GABPB2: variants seen among roughly 807,000 people sequenced by gnomAD.
The protein encoded by GABPB2 is GA-binding protein subunit beta-2.
In GABPB2, 23 loss-of-function variants were observed where a neutral mutation model predicts 39.1. That is an observed-to-expected ratio of 0.59 (90% CI 0.42 to 0.83). The LOEUF (loss-of-function observed/expected upper bound fraction) is 0.83, where lower values mean the gene tolerates loss of function less well. GABPB2 is among the 40% of genes least tolerant of loss of function. GABPB2 has a pLI of 0.00. For synonymous variants in GABPB2, 184 were observed against 199.3 expected, an observed-to-expected ratio of 0.92 and a Z score of 0.65; for missense variants, 467 against 541.1, an observed-to-expected ratio of 0.86 and a Z score of 1.36.
At chr1:151,101,155 A>G (rs1195322198) in intron 5 of GABPB2, among the ~76,000 whole-genome samples, 1 of 151,914 alleles carries the variant, frequency 6.6e-6, no homozygotes, top group African/African-American at 2.4e-5. Context: ...TGGGAGGCTG[A>G]GGTGGGAGAA....
At chr1:151,096,944 C>T (rs996781345) in intron 4 of GABPB2, among the ~76,000 whole-genome samples, 5 of 152,112 alleles carry the variant, frequency 3.3e-5, no homozygotes, top group African/African-American at 1.2e-4. Context: ...CGGAGTCTCA[C>T]TCTGTCGCCC....
At chr1:151,088,375 A>T in intron 2 of GABPB2, 78 bp downstream of exon 2, 2 of 1,354,300 alleles carry the variant, frequency 1.5e-6, no homozygotes, top group South Asian at 2.5e-5. Flanking sequence ...CTAACAGACT[A>T]TTGGTTTTTC....
chr1:151,074,453 G>A (rs1031460194), intron 1 of GABPB2, among the ~76,000 whole-genome samples: 90 of 150,348 alleles, frequency 6.0e-4, no homozygotes, highest in African/African-American at 1.9e-3. Flanking sequence ...TGGGACTGCA[G>A]GCCCCCGCCA....
intron 1 of GABPB2, among the ~76,000 whole-genome samples, chr1:151,078,288 GAGTA>G (rs946320536): frequency 8.0e-5 from 11 of 137,338 alleles, no homozygotes; most frequent in East Asian, 2.2e-4. Context: ...AAAAAAAAAA[GAGTA>G]AGAATAAAAA....
At chr1:151,082,392 C>CTTTT (rs35044606) in intron 1 of GABPB2, among the ~76,000 whole-genome samples, 3 of 48,002 alleles carry the variant, frequency 6.2e-5, no homozygotes, top group African/African-American at 8.5e-5. Context: ...GTGGTAATTT[C>CTTTT]TTTTTTTTTT....
At chr1:151,079,315 C>T (rs145571711) in intron 1 of GABPB2, among the ~76,000 whole-genome samples, 1,650 of 148,230 alleles carry the variant, frequency 0.011, 43 homozygotes, top group African/African-American at 0.039. Context: ...CTGAGGCTGG[C>T]GGGTTACTTG....
rs1041994370 is a variant in GABPB2, at chr1:151,123,330, C to G, written c.*5074C>G. 4 of 152,192 alleles carry G rather than the reference C, an allele frequency of 2.6e-5. No individual in the cohort carries two copies. Among genetic ancestry groups the G allele is most frequent in the Non-Finnish European group, 5.9e-5 (4 of 68,078 alleles). 9.4% of individuals were successfully genotyped at this position (152,192 alleles called of 1,614,324 possible). A position where few individuals can be genotyped will look rare whatever the true frequency, so the allele number is the denominator to read the frequency against. On this transcript the variant is annotated 3_prime_UTR_variant, in exon 9 of 9. Coordinates refer to ENST00000368918, the MANE Select transcript of GABPB2 (RefSeq NM_144618.3). The stretch of plus-strand genomic sequence containing the variant: ...ATTAGTTGGGCATGATGGCATACGC[C>G]TGTAGTCCCAGCTACTCTGGAGGCT...
At chr1:151,085,086 G>A (rs924377063) in intron 1 of GABPB2, among the ~76,000 whole-genome samples, 3 of 150,688 alleles carry the variant, frequency 2.0e-5, no homozygotes, top group African/African-American at 7.3e-5. Context: ...GACAGAGCAA[G>A]AACCCGTCTC....
At chr1:151,090,935 T>C (rs1678630222) in intron 3 of GABPB2, among the ~76,000 whole-genome samples, 1 of 147,946 alleles carries the variant, frequency 6.8e-6, no homozygotes, top group Admixed American at 6.8e-5. Context: ...GAGGCGGAGG[T>C]TGTGGTGAGG....
At chr1:151,089,829 G>A (rs1341366652) in intron 2 of GABPB2, among the ~76,000 whole-genome samples, 2 of 151,660 alleles carry the variant, frequency 1.3e-5, no homozygotes, top group Non-Finnish European at 2.9e-5. Context: ...TAGACGTTGC[G>A]TAAAGTCACG....
rs587649025 is a variant in GABPB2, at chr1:151,080,364, A to G, written c.1-7826A>G. Among the ~76,000 whole-genome samples, 4 of 150,276 alleles carry G rather than the reference A, an allele frequency of 2.7e-5. No homozygotes were observed. The East Asian group carries it at 7.9e-4, about 30-fold the overall frequency. On this transcript the variant is annotated intron_variant, in intron 1 of 8. Transcript: ENST00000368918. ...CTGTCTCTACTAAAAATACAATATT[A>G]GCTGGGCATGGTGGCACATGCCTGT... is the stretch of plus-strand genomic sequence containing the variant.
At chr1:151,094,600 C>T (rs1177723335) in intron 4 of GABPB2, among the ~76,000 whole-genome samples, 6 of 149,490 alleles carry the variant, frequency 4.0e-5, no homozygotes, top group South Asian at 2.1e-4. Flanking sequence ...CCGCCTGCCT[C>T]GGCCTCCCAA....
chr1:151,101,182 G>A (rs1268129909), intron 5 of GABPB2, among the ~76,000 whole-genome samples: 1 of 152,138 alleles, frequency 6.6e-6, no homozygotes, highest in Admixed American at 6.6e-5. Context: ...GGGCCTGGGA[G>A]GCAGAGGCTG....
intron 7 of GABPB2, among the ~76,000 whole-genome samples, chr1:151,116,426 A>C (rs115585251): frequency 2.3e-4 from 33 of 146,092 alleles, no homozygotes; most frequent in African/African-American, 7.7e-4. Context: ...AACAACTTTT[A>C]GCCATTCTGA....
At chr1:151,098,082 C>A in intron 5 of GABPB2, 80 bp downstream of exon 5, 2 of 1,193,120 alleles carry the variant, frequency 1.7e-6, no homozygotes, top group South Asian at 1.3e-5. Context: ...TGAATGGATA[C>A]CCTTTCTAAT....
At chr1:151,090,091 C>T (rs180958975) in intron 2 of GABPB2, among the ~76,000 whole-genome samples, 11 of 152,192 alleles carry the variant, frequency 7.2e-5, no homozygotes, top group African/African-American at 2.4e-4. Flanking sequence ...AGGTGCCCAC[C>T]ACCACGCCTG....
chr1:151,088,456 T>C (rs1319497438), intron 2 of GABPB2, 159 bp downstream of exon 2: 6 of 1,378,504 alleles, frequency 4.4e-6, no homozygotes, highest in African/African-American at 2.9e-5. Flanking sequence ...TATGTGGTTT[T>C]CTTTTTCTTT....
chr1:151,086,782 T>A (rs180671997), intron 1 of GABPB2, among the ~76,000 whole-genome samples: 24 of 152,084 alleles, frequency 1.6e-4, no homozygotes, highest in Admixed American at 7.9e-4. Flanking sequence ...TTCCTCCCAC[T>A]TTAGCCTCCT....
At chr1:151,082,798 A>C (rs1349315219) in intron 1 of GABPB2, among the ~76,000 whole-genome samples, 2 of 152,052 alleles carry the variant, frequency 1.3e-5, no homozygotes, top group South Asian at 4.1e-4. Flanking sequence ...CAATATAACA[A>C]AACTGCACCT....
Sources: gnomAD v4.1 joint callset for allele counts (sites outside exome capture counted in the v4.1 genomes callset) on GRCh38, gnomAD v4.1.1 for gene constraint, MANE v1.5 for transcripts, NCBI Gene and HGNC (gene_info 2026-07-23, HGNC 2026-07-21) for gene names.